Variants in GLIS3 observed in about 807,000 individuals in gnomAD.
GLIS3 encodes the protein zinc finger protein GLIS3.
In GLIS3, 53 loss-of-function variants were observed where a neutral mutation model predicts 78.6. The ratio of observed to expected loss-of-function variants is 0.67; its 90% CI spans 0.54 to 0.85. GLIS3 has a LOEUF of 0.85. GLIS3 is among the 40% of genes least tolerant of loss of function. GLIS3 has a pLI of 0.00. For missense variants in GLIS3, 1,703 were observed against 1,231.1 expected, an observed-to-expected ratio of 1.38 and a Z score of -5.74; for synonymous variants, 684 against 509.9, an observed-to-expected ratio of 1.34 and a Z score of -4.60.
rs7039704 is a variant in GLIS3 at position 4,010,584 on chromosome 9, C to A, written c.1711-73395G>T. On this transcript the variant is annotated intron_variant, in intron 4 of 10. Coordinates refer to ENST00000381971, the MANE Select transcript of GLIS3 (RefSeq NM_001042413.2). ...TAGCAGGCAGGACCGTGTGAAAGAA[C>A]AGACATGAAATTTGCCTCAGCTTCC... Among the ~76,000 whole-genome samples the A allele has an allele frequency of 6.6e-3, 1,009 of 152,258 alleles. 8 individuals are homozygous for A. The highest frequency in any genetic ancestry group is 0.023 in the African/African-American group (940 of 41,532).
At chr9:3,876,458 A>G (rs1821314848) in intron 8 of GLIS3, among the ~76,000 whole-genome samples, 1 of 151,234 alleles carries the variant, frequency 6.6e-6, no homozygotes, top group African/African-American at 2.4e-5. Flanking sequence ...ATTAGAGAAT[A>G]GTATTATATC....
intron 6 of GLIS3, among the ~76,000 whole-genome samples, chr9:3,905,798 C>A (rs1823655954): frequency 6.6e-6 from 1 of 152,164 alleles, no homozygotes; most frequent in Non-Finnish European, 1.5e-5. Flanking sequence ...TCTCCTGATT[C>A]TGACTTCCTT....
chr9:4,154,872 T>C (rs1454742207), intron 2 of GLIS3, among the ~76,000 whole-genome samples: 2 of 152,152 alleles, frequency 1.3e-5, no homozygotes, highest in Non-Finnish European at 2.9e-5. Context: ...GTAAGTTCAG[T>C]AAAAAAGAAA....
intron 2 of GLIS3, among the ~76,000 whole-genome samples, chr9:4,229,783 T>G (rs970114292): frequency 1.3e-5 from 2 of 152,212 alleles, no homozygotes; most frequent in Non-Finnish European, 2.9e-5. Context: ...AAGTGGAAAT[T>G]TATACTTGAA....
the GLIS3 span, among the ~76,000 whole-genome samples, chr9:4,467,850 G>A: frequency 6.6e-6 from 1 of 152,028 alleles, no homozygotes; most frequent in Non-Finnish European, 1.5e-5. Context: ...CGAGCTAAAG[G>A]AGGATGATCA....
the GLIS3 span, among the ~76,000 whole-genome samples, chr9:4,403,877 A>G: frequency 1.3e-5 from 2 of 152,164 alleles, no homozygotes; most frequent in South Asian, 2.1e-4. Flanking sequence ...CTACTTATCA[A>G]TAATAATACT....
intron 4 of GLIS3, among the ~76,000 whole-genome samples, chr9:3,982,690 T>C (rs867510072): frequency 6.6e-6 from 1 of 152,232 alleles, no homozygotes; most frequent in Non-Finnish European, 1.5e-5. Context: ...AGATACTACA[T>C]GTCTGCTCCC....
intron 1 of GLIS3, among the ~76,000 whole-genome samples, chr9:4,296,476 C>A (rs1015594563): frequency 1.3e-5 from 2 of 152,120 alleles, no homozygotes; most frequent in African/African-American, 4.8e-5. Flanking sequence ...CCTTGGAGTT[C>A]ATCCACCACC....
chr9:4,286,606 C>G, intron 1 of GLIS3, 83 bp from the exon 2 acceptor site: 2 of 711,296 alleles, frequency 2.8e-6, no homozygotes, highest in Non-Finnish European at 4.8e-6. Context: ...GTGTATCATT[C>G]ATAAGGAAGA....
At chr9:4,263,622 C>T (rs749433716) in intron 2 of GLIS3, among the ~76,000 whole-genome samples, 12 of 152,106 alleles carry the variant, frequency 7.9e-5, no homozygotes, top group Non-Finnish European at 1.2e-4. Context: ...CTGTATGTCA[C>T]CAGAGACACA....
Position 3,879,490 on chromosome 9 carries a change from C to T in GLIS3, c.2234G>A (p.Gly745Glu). Residue 745 changes from glycine (G) to glutamate (E), a missense_variant, in exon 8 of 11, where the codon GGG (glycine) becomes GAG (glutamate). Transcript: ENST00000381971. ...SHPSPGHNVQ[G>E]SPHNPSSQLP... is the part of the protein sequence containing the mutation. The stretch of plus-strand genomic sequence containing the variant: ...CTGGGAGGAGGGGTTGTGAGGGCTC[C>T]CCTGTACATTATGTCCTGGAGAAGG... 1 of 1,613,986 alleles carries T rather than the reference C, an allele frequency of 6.2e-7. No homozygotes were observed. Among genetic ancestry groups the T allele is most frequent in the Admixed American group, 1.7e-5 (1 of 60,002 alleles).
In GLIS3 at chr9:4,118,451, G is replaced by A. The variant is rs367634911; in HGVS notation, c.1027C>T (p.Pro343Ser). ...GSRASPANLS[P>S]QPEVYGHFLG... is the part of the protein sequence containing the mutation. ...AAATGCCCGTAGACCTCCGGCTGCG[G>A]GGACAGGTTGGCCGGCGAAGCCCTC... Residue 343 changes from proline to serine, a missense_variant, in exon 4 of 11, where the codon CCG becomes TCG. Pro to Ser is a moderately conservative substitution (Grantham distance 74). Coordinates refer to ENST00000381971, the MANE Select transcript of GLIS3 (RefSeq NM_001042413.2). This position sits in a 1 kb window ranked among gnomAD's most constrained non-coding sequence, Gnocchi z 4.7. 13 of 1,613,238 alleles carry A rather than the reference G, an allele frequency of 8.1e-6. No homozygotes were observed. Among genetic ancestry groups the A allele is most frequent in the East Asian group, 2.2e-5 (1 of 44,884 alleles).
the GLIS3 span, among the ~76,000 whole-genome samples, chr9:4,468,093 A>C: frequency 6.6e-6 from 1 of 152,180 alleles, no homozygotes; most frequent in African/African-American, 2.4e-5. Context: ...TAGAGAAAAA[A>C]GGGAAAAAAG....
intron 9 of GLIS3, among the ~76,000 whole-genome samples, chr9:3,843,623 C>T (rs1042503716): frequency 6.6e-6 from 1 of 152,092 alleles, no homozygotes; most frequent in Admixed American, 6.5e-5. Context: ...TTACTAGGCA[C>T]TGATAAAAAT....
At chr9:3,956,078 C>T (rs1327028437) in intron 4 of GLIS3, among the ~76,000 whole-genome samples, 4 of 150,974 alleles carry the variant, frequency 2.6e-5, no homozygotes, top group Admixed American at 2.0e-4. Flanking sequence ...ATTCTTCATC[C>T]GTGGTCAAAC....
chr9:4,486,052 A>T, the GLIS3 span, among the ~76,000 whole-genome samples: 1 of 152,084 alleles, frequency 6.6e-6, no homozygotes, highest in Admixed American at 6.6e-5. Context: ...GGAGATTTTT[A>T]TTATTTCAAA....
chr9:3,907,685 G>A (rs757913603), intron 6 of GLIS3, among the ~76,000 whole-genome samples: 1 of 151,456 alleles, frequency 6.6e-6, no homozygotes, highest in Admixed American at 6.6e-5. Context: ...GCCTCAAAGT[G>A]AGACAAATGC....
intron 4 of GLIS3, among the ~76,000 whole-genome samples, chr9:4,306,368 G>C (rs1291718120): frequency 6.6e-6 from 1 of 152,086 alleles, no homozygotes; most frequent in African/African-American, 2.4e-5. Context: ...TATTATGCAA[G>C]AGAAATTCCA....
At chr9:3,839,645 T>C (rs1270297898) in intron 9 of GLIS3, among the ~76,000 whole-genome samples, 1 of 151,936 alleles carries the variant, frequency 6.6e-6, no homozygotes, top group Non-Finnish European at 1.5e-5. Flanking sequence ...ATGGCTACCA[T>C]GTTTCAGAAC....
Sources: gnomAD v4.1 joint callset for allele counts (sites outside exome capture counted in the v4.1 genomes callset) on GRCh38, gnomAD v4.1.1 for gene constraint, Gnocchi (gnomAD v3.1) non-coding constraint, MANE v1.5 for transcripts, NCBI Gene and HGNC (gene_info 2026-07-23, HGNC 2026-07-21) for gene names.